The following IGF2BP2 variants were observed in gnomAD, a reference collection of about 807,000 sequenced individuals.
The protein encoded by IGF2BP2 is insulin like growth factor 2 mRNA binding protein 2, also known as insulin-like growth factor 2 mRNA-binding protein 2.
IGF2BP2 carries 17 observed loss-of-function variants against 75.8 expected under a neutral mutation model. That is an observed-to-expected ratio of 0.22 (90% CI 0.15 to 0.34). The LOEUF is 0.34. Among genes scored for constraint, IGF2BP2 ranks in the 10% least tolerant of loss-of-function variants. IGF2BP2 has a pLI of 1.00. For synonymous variants in IGF2BP2, 288 were observed against 295.6 expected (o/e 0.97, Z 0.26); for missense variants, 516 against 772.4 (o/e 0.67, Z 3.93).
chr3:185,817,207 T>C (rs1226525509), intron 2 of IGF2BP2, among the ~76,000 whole-genome samples: 1 of 152,176 alleles, frequency 6.6e-6, no homozygotes, highest in African/African-American at 2.4e-5. Flanking sequence ...AACAGATAAA[T>C]AATGAGGAAT....
chr3:185,660,011 C>T (rs1716164691), intron 10 of IGF2BP2, among the ~76,000 whole-genome samples: 1 of 152,178 alleles, frequency 6.6e-6, no homozygotes, highest in Non-Finnish European at 1.5e-5. Context: ...TAAGGCTGGT[C>T]TTGAACTCCT....
At chr3:185,722,448 C>T (rs192721489) in intron 2 of IGF2BP2, 1 of 338,198 alleles carries the variant, frequency 3.0e-6, no homozygotes, top group East Asian at 1.0e-4. Context: ...GGGAGATGAA[C>T]TTTTATGAGG....
In IGF2BP2 at chr3:185,748,272, T is replaced by TG. The variant is rs34034659; in HGVS notation, c.240-49926dup. ...GGAGCAAAGAGGTAGAGGAAGGAACTGGGGGGTTACATAATGGATACACTA... is the reference window on the plus strand; with the variant it reads ...GGAGCAAAGAGGTAGAGGAAGGAACTGGGGGGGTTACATAATGGATACACTA... On this transcript the variant is annotated intron_variant, in intron 2 of 15. Transcript: ENST00000382199. Among the ~76,000 whole-genome samples, 757 of 152,256 alleles carry TG rather than the reference T, an allele frequency of 5.0e-3. 2 individuals carry two copies. Among genetic ancestry groups the TG allele is most frequent in the Non-Finnish European group, 8.9e-3 (602 of 68,022 alleles).
chr3:185,737,157 T>C (rs1210469479), intron 2 of IGF2BP2, among the ~76,000 whole-genome samples: 2 of 152,234 alleles, frequency 1.3e-5, no homozygotes, highest in Non-Finnish European at 2.9e-5. Context: ...GGGACTGTTA[T>C]CATATCCCCT....
chr3:185,823,963 C>A (rs1447154119), intron 1 of IGF2BP2, among the ~76,000 whole-genome samples: 3 of 152,130 alleles, frequency 2.0e-5, no homozygotes, highest in Non-Finnish European at 4.4e-5. Context: ...CTGGCCCCCA[C>A]CGAGTTGAGA....
At chr3:185,751,162 G>A (rs969738122) in intron 2 of IGF2BP2, among the ~76,000 whole-genome samples, 1 of 152,226 alleles carries the variant, frequency 6.6e-6, no homozygotes, top group Admixed American at 6.5e-5. Flanking sequence ...GCAGTGAGTG[G>A]AGACTGCGCC....
At chr3:185,716,752 G>C (rs780752041) in intron 2 of IGF2BP2, 23 of 519,762 alleles carry the variant, frequency 4.4e-5, no homozygotes, top group Admixed American at 3.5e-4. Context: ...CATCAGAATG[G>C]AAGTGGGAGG....
intron 2 of IGF2BP2, among the ~76,000 whole-genome samples, chr3:185,807,207 A>C (rs1202417615): frequency 6.6e-6 from 1 of 152,228 alleles, no homozygotes; most frequent in African/African-American, 2.4e-5. Context: ...GGAACAATTA[A>C]ACTGTATTTT....
intron 7 of IGF2BP2, among the ~76,000 whole-genome samples, chr3:185,683,615 G>A (rs1202376152): frequency 6.6e-6 from 1 of 151,978 alleles, no homozygotes; most frequent in Non-Finnish European, 1.5e-5. Flanking sequence ...CACCATGTTG[G>A]CCAGGCCAAT....
intron 7 of IGF2BP2, among the ~76,000 whole-genome samples, chr3:185,677,074 G>T (rs371853123): frequency 0.22 from 9,708 of 44,122 alleles, 910 homozygotes; most frequent in East Asian, 0.32. Flanking sequence ...TATATAGAGA[G>T]AGAGAGAGAG....
intron 2 of IGF2BP2, among the ~76,000 whole-genome samples, chr3:185,787,202 G>C (rs1281546830): frequency 6.6e-6 from 1 of 152,170 alleles, no homozygotes; most frequent in African/African-American, 2.4e-5. Flanking sequence ...CAGTTCTGGA[G>C]ATAGATAGTG....
intron 2 of IGF2BP2, among the ~76,000 whole-genome samples, chr3:185,808,268 G>A (rs1339132091): frequency 3.3e-5 from 5 of 152,042 alleles, no homozygotes; most frequent in Admixed American, 6.6e-5. Context: ...CTGAGGTCAG[G>A]AGTTCAAGAC....
intron 2 of IGF2BP2, among the ~76,000 whole-genome samples, chr3:185,786,327 C>A (rs1735880987): frequency 6.6e-6 from 1 of 152,094 alleles, no homozygotes; most frequent in Non-Finnish European, 1.5e-5. Flanking sequence ...TGAGCCCAAG[C>A]TAAGCCATCG....
At chr3:185,799,787 G>A (rs1451993398) in intron 2 of IGF2BP2, among the ~76,000 whole-genome samples, 1 of 151,992 alleles carries the variant, frequency 6.6e-6, no homozygotes, top group African/African-American at 2.4e-5. Flanking sequence ...AACAGATGCT[G>A]GAGAGGATGT....
intron 2 of IGF2BP2, among the ~76,000 whole-genome samples, chr3:185,767,540 A>G (rs1198956608): frequency 1.3e-4 from 20 of 152,332 alleles, no homozygotes; most frequent in Non-Finnish European, 2.9e-5. Flanking sequence ...ACAAATCTCC[A>G]AGAAAGGGAC....
intron 2 of IGF2BP2, among the ~76,000 whole-genome samples, chr3:185,811,058 T>A (rs1027614114): frequency 6.6e-6 from 1 of 152,146 alleles, no homozygotes; most frequent in Admixed American, 6.5e-5. Context: ...ATATTCAGCA[T>A]ATATATACAT....
intron 2 of IGF2BP2, among the ~76,000 whole-genome samples, chr3:185,745,678 A>C (rs1730162626): frequency 1.3e-5 from 2 of 152,226 alleles, no homozygotes; most frequent in Admixed American, 1.3e-4. Context: ...CTGAAGCAGG[A>C]AACCATAGAG....
At chr3:185,718,684 C>CAAA (rs10699427) in intron 2 of IGF2BP2, among the ~76,000 whole-genome samples, 82 of 49,298 alleles carry the variant, frequency 1.7e-3, no homozygotes, top group South Asian at 5.3e-3. Context: ...GACTCTGTCT[C>CAAA]AAAAAAAAAA....
chr3:185,823,104 T>C, intron 2 of IGF2BP2, 49 bp downstream of exon 2: 1 of 1,306,318 alleles, frequency 7.7e-7, no homozygotes, highest in Non-Finnish European at 1.1e-6. Context: ...CGTTTTTTAC[T>C]TATACGTAAG....
Sources: gnomAD v4.1 joint callset for allele counts (sites outside exome capture counted in the v4.1 genomes callset) on GRCh38, gnomAD v4.1.1 for gene constraint, MANE v1.5 for transcripts, NCBI Gene and HGNC (gene_info 2026-07-23, HGNC 2026-07-21) for gene names.